METTL24: variants seen among roughly 807,000 people sequenced by gnomAD.
METTL24 encodes the protein probable methyltransferase-like protein 24.
In METTL24, 29 loss-of-function variants were observed where a neutral mutation model predicts 32.7. That is an observed-to-expected ratio of 0.89 (90% CI 0.66 to 1.21). The LOEUF is 1.21. Ranked by LOEUF, METTL24 falls within the 50% of genes most tolerant of loss-of-function variation. The probability of loss-of-function intolerance (pLI) is 0.00; values close to 1 mark genes in which losing one functional copy is unlikely to be tolerated. For missense variants in METTL24, 439 were observed against 468.1 expected, an observed-to-expected ratio of 0.94 and a Z score of 0.57; for synonymous variants, 163 against 179.5, an observed-to-expected ratio of 0.91 and a Z score of 0.73.
At chr6:110,312,851 C>A (rs1244723040) in intron 3 of METTL24, among the ~76,000 whole-genome samples, 1 of 152,146 alleles carries the variant, frequency 6.6e-6, no homozygotes, top group Non-Finnish European at 1.5e-5. Context: ...AATGAAGCAA[C>A]AAAAGCAGAG....
intron 3 of METTL24, among the ~76,000 whole-genome samples, chr6:110,312,511 G>A (rs1029658836): frequency 6.6e-6 from 1 of 152,076 alleles, no homozygotes; most frequent in Non-Finnish European, 1.5e-5. Context: ...AATACTATTT[G>A]GCCATAAAAA....
Position 110,244,207 on chromosome 6 carries a change from T to A in METTL24, c.*1739A>T, listed in dbSNP as rs188629396. 0.011 allele frequency among the ~76,000 whole-genome samples: 1,600 copies of A among 152,244 alleles called. 13 individuals are homozygous for A. Among genetic ancestry groups the A allele is most frequent in the Middle Eastern group, 0.017 (5 of 294 alleles). ...ACATTATTAGAGATAATGTATTTTT[T>A]TAAAAAAGATTTGACAGCATAGGCA... On this transcript the variant is annotated 3_prime_UTR_variant, in exon 5 of 5. Coordinates refer to ENST00000338882, the MANE Select transcript of METTL24 (RefSeq NM_001123364.3).
intron 1 of METTL24, among the ~76,000 whole-genome samples, chr6:110,348,264 C>A (rs1313498294): frequency 6.6e-6 from 1 of 152,184 alleles, no homozygotes; most frequent in Non-Finnish European, 1.5e-5. Flanking sequence ...AGAGGATATG[C>A]CACTTGTCCA....
chr6:110,328,835 G>A (rs933483189), intron 1 of METTL24, among the ~76,000 whole-genome samples: 4 of 152,188 alleles, frequency 2.6e-5, no homozygotes, highest in Non-Finnish European at 5.9e-5. Context: ...TCGATTCTGT[G>A]TTATGCAAAA....
chr6:110,310,857 C>T (rs1168576586), intron 3 of METTL24, among the ~76,000 whole-genome samples: 1 of 152,126 alleles, frequency 6.6e-6, no homozygotes, highest in African/African-American at 2.4e-5. Flanking sequence ...CTTCTGACTC[C>T]CTGTGTCCTT....
chr6:110,291,086 A>C (rs1448949272), intron 4 of METTL24, among the ~76,000 whole-genome samples: 2 of 152,134 alleles, frequency 1.3e-5, no homozygotes, highest in Non-Finnish European at 2.9e-5. Context: ...AGAGTTCTCT[A>C]TGTATTCTGG....
At chr6:110,300,058 A>C (rs1170958814) in intron 3 of METTL24, among the ~76,000 whole-genome samples, 1 of 152,202 alleles carries the variant, frequency 6.6e-6, no homozygotes, top group Non-Finnish European at 1.5e-5. Flanking sequence ...CATAGATTCT[A>C]CAAGTATTTT....
At chr6:110,279,079 C>T (rs1336002043) in intron 4 of METTL24, among the ~76,000 whole-genome samples, 6 of 152,214 alleles carry the variant, frequency 3.9e-5, no homozygotes, top group Non-Finnish European at 8.8e-5. Flanking sequence ...GAACAAGTTT[C>T]ACTACTATCA....
intron 4 of METTL24, among the ~76,000 whole-genome samples, chr6:110,266,815 A>G (rs1055835013): frequency 2.0e-5 from 3 of 152,226 alleles, no homozygotes; most frequent in Admixed American, 6.5e-5. Flanking sequence ...TAATGAAAGC[A>G]TAGATTATTT....
At chr6:110,264,580 T>C (rs888533652) in intron 4 of METTL24, among the ~76,000 whole-genome samples, 9 of 152,336 alleles carry the variant, frequency 5.9e-5, no homozygotes, top group African/African-American at 1.9e-4. Context: ...CTCAGGGATC[T>C]AGAACTAGAA....
chr6:110,295,005 CTTTCTTTCTT>C (rs1771385562), intron 4 of METTL24, among the ~76,000 whole-genome samples: 8 of 96,834 alleles, frequency 8.3e-5, no homozygotes, highest in African/African-American at 3.3e-4. Context: ...TTCTTTTTTT[CTTTCTTTCTT>C]TTTTTTTTTT....
At chr6:110,324,807 C>T (rs1771990151) in intron 1 of METTL24, among the ~76,000 whole-genome samples, 1 of 152,156 alleles carries the variant, frequency 6.6e-6, no homozygotes, top group South Asian at 2.1e-4. Context: ...ATGTTGATTA[C>T]CATTTGGTCA....
At chr6:110,258,329 A>G (rs1778422854) in intron 4 of METTL24, among the ~76,000 whole-genome samples, 1 of 152,246 alleles carries the variant, frequency 6.6e-6, no homozygotes, top group Non-Finnish European at 1.5e-5. Context: ...CCATCTATAT[A>G]AGTACATTAG....
At chr6:110,307,470 G>C (rs979446925) in intron 3 of METTL24, among the ~76,000 whole-genome samples, 1 of 152,138 alleles carries the variant, frequency 6.6e-6, no homozygotes, top group African/African-American at 2.4e-5. Flanking sequence ...AGATCATATG[G>C]CTTCCATCTC....
intron 4 of METTL24, among the ~76,000 whole-genome samples, chr6:110,271,556 T>C (rs1416857507): frequency 2.0e-5 from 3 of 152,200 alleles, no homozygotes; most frequent in African/African-American, 7.2e-5. Context: ...TTGATCTGTG[T>C]GCTGAAAATT....
rs111778126 is a variant in METTL24, at chr6:110,270,152, G to A, written c.787-23892C>T. ...AGTGCATATGTTGGCTCAGAACACA[G>A]AGAGTAGAGATAATCATTAAAGTTT... On this transcript the variant is annotated intron_variant, in intron 4 of 4. Transcript: ENST00000338882. Among the ~76,000 whole-genome samples the A allele has an allele frequency of 4.4e-3, 664 of 152,240 alleles. 10 individuals are homozygous for A. Among genetic ancestry groups the A allele is most frequent in the African/African-American group, 0.016 (649 of 41,538 alleles).
intron 4 of METTL24, among the ~76,000 whole-genome samples, chr6:110,293,268 T>A (rs1392736445): frequency 6.6e-6 from 1 of 152,072 alleles, no homozygotes; most frequent in African/African-American, 2.4e-5. Context: ...TTTAAGTCTT[T>A]GAGTGGCTAA....
intron 4 of METTL24, among the ~76,000 whole-genome samples, chr6:110,265,436 CCTT>C (rs1271829977): frequency 2.6e-5 from 4 of 152,098 alleles, no homozygotes; most frequent in Non-Finnish European, 4.4e-5. Flanking sequence ...ATCCATTCTT[CCTT>C]CTTCTTCAAC....
At chr6:110,291,181 G>C (rs1364759482) in intron 4 of METTL24, among the ~76,000 whole-genome samples, 1 of 152,068 alleles carries the variant, frequency 6.6e-6, no homozygotes, top group African/African-American at 2.4e-5. Context: ...TGAGCAGAGA[G>C]TTTTGATCTT....
Sources: gnomAD v4.1 joint callset for allele counts (sites outside exome capture counted in the v4.1 genomes callset) on GRCh38, gnomAD v4.1.1 for gene constraint, MANE v1.5 for transcripts, NCBI Gene and HGNC (gene_info 2026-07-23, HGNC 2026-07-21) for gene names.